MYT1L: variants seen among roughly 807,000 people sequenced by gnomAD.
MYT1L encodes myelin transcription factor 1 like, also known as myelin transcription factor 1-like protein.
MYT1L carries 12 observed loss-of-function variants against 126.7 expected under a neutral mutation model. That is an observed-to-expected ratio of 0.09 (90% CI 0.06 to 0.15). MYT1L has a LOEUF of 0.15. Among genes scored for constraint, MYT1L ranks in the 10% least tolerant of loss-of-function variants. MYT1L has a pLI of 1.00. For missense variants in MYT1L, 979 were observed against 1,585.2 expected (o/e 0.62, Z 6.49); for synonymous variants, 541 against 604.2 (o/e 0.90, Z 1.53).
At chr2:2,284,223 T>C (rs1426254074) in intron 2 of MYT1L, among the ~76,000 whole-genome samples, 181 bp downstream of exon 2, 6 of 152,182 alleles carry the variant, frequency 3.9e-5, no homozygotes, top group Non-Finnish European at 8.8e-5. Flanking sequence ...GTATATGTAA[T>C]TGACTAGACA....
chr2:2,012,923 T>C (rs2063979529), intron 4 of MYT1L, among the ~76,000 whole-genome samples: 1 of 152,170 alleles, frequency 6.6e-6, no homozygotes, highest in South Asian at 2.1e-4. Flanking sequence ...TCATTAGTTA[T>C]TATTGTTAAC....
In MYT1L at chr2:1,833,347, C is replaced by T. The variant is rs529343043; in HGVS notation, c.3080+5802G>A. 3.3e-5 allele frequency among the ~76,000 whole-genome samples: 5 copies of T among 152,054 alleles called. No individual in the cohort carries two copies. In the East Asian group the frequency reaches 7.8e-4, roughly 24 times the overall value. ...CTGCTATGTGGCTTGGCCTTAGCAC[C>T]TGTCCAGAACGCTTGCTGGGGGTCT... is the stretch of plus-strand genomic sequence containing the variant. On this transcript the variant is annotated intron_variant, in intron 21 of 24. Transcript: ENST00000647738.
chr2:2,275,060 T>G (rs1435369383), intron 2 of MYT1L, among the ~76,000 whole-genome samples: 1 of 152,062 alleles, frequency 6.6e-6, no homozygotes, highest in Non-Finnish European at 1.5e-5. Context: ...CGGGAGCCAG[T>G]GTGCTGGTTT....
chr2:1,926,362 G>A (rs1042416027), intron 9 of MYT1L, among the ~76,000 whole-genome samples: 5 of 152,080 alleles, frequency 3.3e-5, no homozygotes, highest in African/African-American at 1.2e-4. Context: ...TGAGCTTTTG[G>A]GATTCCCTCC....
chr2:2,052,391 G>T (rs2150090926), intron 4 of MYT1L, among the ~76,000 whole-genome samples: 1 of 152,272 alleles, frequency 6.6e-6, no homozygotes, highest in Non-Finnish European at 1.5e-5. Flanking sequence ...TGATTGATTG[G>T]ATATGATACC....
intron 3 of MYT1L, among the ~76,000 whole-genome samples, chr2:2,131,969 T>G (rs2082421852): frequency 7.1e-6 from 1 of 141,526 alleles, no homozygotes. Flanking sequence ...AGTGCAGTGG[T>G]GCGATCTTGG....
In MYT1L at chr2:1,887,423, TA is replaced by T. The variant is rs947020468; in HGVS notation, c.2642+64del. The stretch of plus-strand genomic sequence containing the variant: ...GGCAAGGCATATACAGATCCAGTTT[TA>T]AAAAATCAGCCAAAGAATGGGAAGA... On this transcript the variant is annotated intron_variant, in intron 17 of 24. Coordinates refer to ENST00000647738, the MANE Select transcript of MYT1L (RefSeq NM_001303052.2). The surrounding 1 kb of genome is among the most constrained non-coding windows in gnomAD (Gnocchi z 4.8). 6.2e-7 allele frequency: 1 copy of T among 1,608,672 alleles called. No individual in the cohort carries two copies. The highest frequency in any genetic ancestry group is 1.3e-5 in the African/African-American group (1 of 74,864).
chr2:2,072,628 C>T (rs2074736142), intron 3 of MYT1L, among the ~76,000 whole-genome samples: 7 of 152,168 alleles, frequency 4.6e-5, no homozygotes, highest in Admixed American at 4.6e-4. Flanking sequence ...CCGCGCAAAT[C>T]CGATCTCCAA....
rs1205021444 is a variant in MYT1L at position 1,889,958 on chromosome 2, A to T, written c.2284-481T>A. Reference sequence around the variant, plus strand: ...TAAACACACATATATCAGCTTAAAAATTCTCTTTTTTATTGATGCTAATAG... The same window carrying T: ...TAAACACACATATATCAGCTTAAAATTTCTCTTTTTTATTGATGCTAATAG... On this transcript the variant is annotated intron_variant, in intron 15 of 24. Transcript: ENST00000647738. This position sits in a 1 kb window ranked among gnomAD's most constrained non-coding sequence, Gnocchi z 4.1. Among the ~76,000 whole-genome samples, 1 of 152,206 alleles carries T rather than the reference A, an allele frequency of 6.6e-6. No individual in the cohort carries two copies. The highest frequency in any genetic ancestry group is 1.5e-5 in the Non-Finnish European group (1 of 68,030).
intron 3 of MYT1L, among the ~76,000 whole-genome samples, chr2:2,120,523 T>C (rs1211653546): frequency 6.6e-6 from 1 of 152,062 alleles, no homozygotes; most frequent in Non-Finnish European, 1.5e-5. Flanking sequence ...CAGGGCTTGT[T>C]CTCCATCTCA....
At chr2:1,813,039 G>A (rs539494497) in intron 21 of MYT1L, among the ~76,000 whole-genome samples, 1 of 152,292 alleles carries the variant, frequency 6.6e-6, no homozygotes, top group African/African-American at 2.4e-5. Flanking sequence ...GCCCGGCTCA[G>A]TATGATCCTC....
chr2:1,797,657 G>A (rs937393101), intron 23 of MYT1L, among the ~76,000 whole-genome samples: 2 of 152,230 alleles, frequency 1.3e-5, no homozygotes, highest in African/African-American at 2.4e-5. Flanking sequence ...ACCTCAAATA[G>A]CATTTAAACA....
intron 9 of MYT1L, among the ~76,000 whole-genome samples, chr2:1,926,034 A>G (rs2054183561): frequency 6.6e-6 from 1 of 152,138 alleles, no homozygotes; most frequent in African/African-American, 2.4e-5. Flanking sequence ...TGGAAAGCAT[A>G]TTGGCATCTG....
chr2:2,249,600 C>T (rs1470281576), intron 2 of MYT1L, among the ~76,000 whole-genome samples: 1 of 151,962 alleles, frequency 6.6e-6, no homozygotes, highest in Non-Finnish European at 1.5e-5. Context: ...GATAAACTCT[C>T]CAGGACATTG....
At chr2:2,164,507 T>A (rs1279363549) in intron 3 of MYT1L, among the ~76,000 whole-genome samples, 1 of 152,222 alleles carries the variant, frequency 6.6e-6, no homozygotes, top group Non-Finnish European at 1.5e-5. Context: ...CCGAGTTTCC[T>A]AAACACCTGA....
chr2:1,837,504 G>C (rs1301796912), intron 21 of MYT1L, among the ~76,000 whole-genome samples: 1 of 152,162 alleles, frequency 6.6e-6, no homozygotes, highest in Non-Finnish European at 1.5e-5. Context: ...TTTAAAGCTA[G>C]CATTCTTGTT....
chr2:2,221,462 T>A (rs1469028041), intron 2 of MYT1L, among the ~76,000 whole-genome samples: 1 of 152,066 alleles, frequency 6.6e-6, no homozygotes, highest in Non-Finnish European at 1.5e-5. Flanking sequence ...CTGGGATATC[T>A]CAAAGCAATC....
At chr2:1,871,158 A>C (rs2046238161) in intron 18 of MYT1L, among the ~76,000 whole-genome samples, 1 of 152,236 alleles carries the variant, frequency 6.6e-6, no homozygotes, top group Non-Finnish European at 1.5e-5. Context: ...CTAACACAGA[A>C]AGTCATGATT....
chr2:1,956,573 A>ATTCTTTCTTTCT (rs200677911), intron 8 of MYT1L, among the ~76,000 whole-genome samples: 2 of 106,584 alleles, frequency 1.9e-5, no homozygotes, highest in East Asian at 3.2e-4. Context: ...TATATTTCCT[A>ATTCTTTCTTTCT]TTCTATCTAT....
Sources: gnomAD v4.1 joint callset for allele counts (sites outside exome capture counted in the v4.1 genomes callset) on GRCh38, gnomAD v4.1.1 for gene constraint, Gnocchi (gnomAD v3.1) non-coding constraint, MANE v1.5 for transcripts, NCBI Gene and HGNC (gene_info 2026-07-23, HGNC 2026-07-21) for gene names.